Variants in GRM1 observed in about 807,000 individuals in gnomAD.
GRM1 encodes glutamate metabotropic receptor 1.
In GRM1, 33 loss-of-function variants were observed where a neutral mutation model predicts 90.9. That is an observed-to-expected ratio of 0.36 (90% CI 0.28 to 0.49). GRM1 has a LOEUF of 0.49. Among genes scored for constraint, GRM1 ranks in the 20% least tolerant of loss-of-function variants. GRM1 has a pLI of 0.99. For synonymous variants in GRM1, 700 were observed against 613.2 expected (o/e 1.14, Z -2.09); for missense variants, 1,190 against 1,534.3 (o/e 0.78, Z 3.75).
chr6:146,245,819 C>A (rs910675857), intron 2 of GRM1, among the ~76,000 whole-genome samples: 8 of 152,232 alleles, frequency 5.3e-5, no homozygotes, highest in African/African-American at 1.9e-4. Flanking sequence ...CTTTCATTTT[C>A]AACTGTCTAT....
At chr6:146,059,282 A>G (rs1003520990) in intron 1 of GRM1, among the ~76,000 whole-genome samples, 1 of 152,172 alleles carries the variant, frequency 6.6e-6, no homozygotes, top group Non-Finnish European at 1.5e-5. Context: ...TGAAAACAAC[A>G]TTAATCTTCC....
intron 1 of GRM1, among the ~76,000 whole-genome samples, chr6:146,071,614 T>C (rs1165094394): frequency 2.6e-5 from 4 of 152,168 alleles, no homozygotes; most frequent in Non-Finnish European, 5.9e-5. Context: ...TGTCTCATCC[T>C]GGGTCTCTGA....
Position 146,435,247 on chromosome 6 carries a change from G to C in GRM1, c.*451G>C. ...GTTCACCTGATGGCATTCGGAGTGA[G>C]CTGGTGGAGCCAGACAGAGCAGGTG... On this transcript the variant is annotated 3_prime_UTR_variant, in exon 8 of 8. Transcript: ENST00000282753. The C allele has an allele frequency of 6.3e-6, 2 of 315,228 alleles. No individual in the cohort carries two copies. The highest frequency in any genetic ancestry group is 1.2e-5 in the Non-Finnish European group (2 of 164,088). The allele number at this position is 315,228 out of a possible 1,614,324, so 19.5% of individuals were successfully genotyped here. A position where few individuals can be genotyped will look rare whatever the true frequency, so the allele number is the denominator to read the frequency against.
At chr6:146,353,927 C>T (rs376700079) in intron 4 of GRM1, among the ~76,000 whole-genome samples, 148 of 152,264 alleles carry the variant, frequency 9.7e-4, no homozygotes, top group African/African-American at 3.4e-3. Flanking sequence ...CCACTTTGCC[C>T]GGCCTGGCAA....
intron 6 of GRM1, among the ~76,000 whole-genome samples, chr6:146,389,287 A>G (rs1776628326): frequency 6.6e-6 from 1 of 152,062 alleles, no homozygotes; most frequent in East Asian, 1.9e-4. Context: ...TTTGAGGTAC[A>G]AAGATTTTTC....
chr6:146,424,035 GTTCCTC>G (rs1778107312), intron 7 of GRM1, among the ~76,000 whole-genome samples: 1 of 152,148 alleles, frequency 6.6e-6, no homozygotes, highest in Non-Finnish European at 1.5e-5. Flanking sequence ...AGGCTGCCAG[GTTCCTC>G]TCCAGCCAGT....
intron 5 of GRM1, among the ~76,000 whole-genome samples, chr6:146,378,674 C>T (rs1776203749): frequency 6.6e-6 from 1 of 152,134 alleles, no homozygotes; most frequent in Admixed American, 6.5e-5. Flanking sequence ...CTTATAGATG[C>T]AAGAGACTTG....
intron 2 of GRM1, among the ~76,000 whole-genome samples, chr6:146,196,122 C>T (rs960377809): frequency 1.3e-5 from 2 of 152,080 alleles, no homozygotes; most frequent in Non-Finnish European, 2.9e-5. Flanking sequence ...TGGAGAAAAC[C>T]ATAGATGAGC....
At chr6:146,185,851 G>C (rs1467228253) in intron 2 of GRM1, among the ~76,000 whole-genome samples, 1 of 152,106 alleles carries the variant, frequency 6.6e-6, no homozygotes, top group Non-Finnish European at 1.5e-5. Context: ...GGCTTAGAGA[G>C]AGTAATACCA....
At chr6:146,303,463 T>G (rs995131915) in intron 2 of GRM1, among the ~76,000 whole-genome samples, 1 of 152,178 alleles carries the variant, frequency 6.6e-6, no homozygotes, top group Non-Finnish European at 1.5e-5. Flanking sequence ...AACTGTAAAT[T>G]ATTTCTCTGC....
At chr6:146,233,214 T>C (rs955692593) in intron 2 of GRM1, among the ~76,000 whole-genome samples, 5 of 152,098 alleles carry the variant, frequency 3.3e-5, no homozygotes, top group Non-Finnish European at 7.4e-5. Flanking sequence ...CACTGATTTG[T>C]AATCTTTTTA....
chr6:146,090,790 T>C (rs1218211629), intron 1 of GRM1, among the ~76,000 whole-genome samples: 1 of 152,114 alleles, frequency 6.6e-6, no homozygotes, highest in Non-Finnish European at 1.5e-5. Flanking sequence ...TGAGAGCTTC[T>C]AGCCTCCTTC....
intron 5 of GRM1, among the ~76,000 whole-genome samples, chr6:146,361,499 A>T (rs1775468737): frequency 6.6e-6 from 1 of 152,162 alleles, no homozygotes; most frequent in Non-Finnish European, 1.5e-5. Flanking sequence ...AAGGGGTAGA[A>T]AGGGGAGGAA....
intron 1 of GRM1, among the ~76,000 whole-genome samples, chr6:146,131,884 T>C (rs1562483169): frequency 6.6e-6 from 1 of 152,100 alleles, no homozygotes; most frequent in Admixed American, 6.5e-5. Context: ...GAAGCCAAGA[T>C]AGGGGCCACT....
rs777113828 is a variant in GRM1 at position 146,434,077 on chromosome 6, A to G, written c.2866A>G (p.Asn956Asp). 8 of 1,613,826 alleles carry G rather than the reference A, an allele frequency of 5.0e-6. No individual in the cohort carries two copies. Among genetic ancestry groups the G allele is most frequent in the Non-Finnish European group, 6.8e-6 (8 of 1,179,698 alleles). ...FSDTSTKTLY[N>D]VEEEEDAQPI... ...AGATACCAGCACCAAGACCCTTTAC[A>G]ACGTAGAGGAGGAGGAGGATGCCCA... is the stretch of plus-strand genomic sequence containing the variant. Residue 956 changes from asparagine to aspartate, a missense_variant, in exon 8 of 8, where the codon AAC becomes GAC. By Grantham distance (23) the Asn-to-Asp change is conservative. Coordinates refer to ENST00000282753, the MANE Select transcript of GRM1 (RefSeq NM_001278064.2).
intron 2 of GRM1, among the ~76,000 whole-genome samples, chr6:146,178,076 A>C (rs1301340892): frequency 6.6e-6 from 1 of 152,160 alleles, no homozygotes; most frequent in Non-Finnish European, 1.5e-5. Context: ...ACAAAAGTCT[A>C]TGTTTTCCGC....
intron 3 of GRM1, among the ~76,000 whole-genome samples, chr6:146,323,898 T>C (rs1395562923): frequency 1.3e-5 from 2 of 152,228 alleles, no homozygotes; most frequent in Non-Finnish European, 2.9e-5. Flanking sequence ...GATCAGATAG[T>C]TGTAGATATG....
At chr6:146,068,126 T>G (rs1397377012) in intron 1 of GRM1, among the ~76,000 whole-genome samples, 1 of 152,048 alleles carries the variant, frequency 6.6e-6, no homozygotes, top group Non-Finnish European at 1.5e-5. Flanking sequence ...TTTTTTTTTT[T>G]TTTGAGACGG....
chr6:146,182,773 A>G (rs565951595), intron 2 of GRM1, among the ~76,000 whole-genome samples: 28 of 152,246 alleles, frequency 1.8e-4, no homozygotes, highest in African/African-American at 6.5e-4. Flanking sequence ...TACTGGGGTT[A>G]AGTCAATAAA....
Sources: gnomAD v4.1 joint callset for allele counts (sites outside exome capture counted in the v4.1 genomes callset) on GRCh38, gnomAD v4.1.1 for gene constraint, MANE v1.5 for transcripts, NCBI Gene and HGNC (gene_info 2026-07-23, HGNC 2026-07-21) for gene names.